Variants in FAM171A1 observed in about 807,000 individuals in gnomAD.
FAM171A1 encodes protein FAM171A1.
A neutral mutation model predicts 74.9 loss-of-function variants in FAM171A1; 23 were observed. That is an observed-to-expected ratio of 0.31 (90% CI 0.22 to 0.44). The LOEUF (loss-of-function observed/expected upper bound fraction) is 0.44, where lower values mean the gene tolerates loss of function less well. FAM171A1 is among the 20% of genes least tolerant of loss of function. FAM171A1 has a pLI of 1.00. For missense variants in FAM171A1, 1,162 were observed against 1,159.2 expected, an observed-to-expected ratio of 1.00 and a Z score of -0.03; for synonymous variants, 527 against 505.7, an observed-to-expected ratio of 1.04 and a Z score of -0.57.
At chr10:15,287,319 C>T (rs1419926514) in intron 1 of FAM171A1, among the ~76,000 whole-genome samples, 2 of 151,530 alleles carry the variant, frequency 1.3e-5, no homozygotes, top group Non-Finnish European at 2.9e-5. Flanking sequence ...GTCTCCATCT[C>T]CTGACCACGT....
rs1211654780 is a variant in FAM171A1, at chr10:15,359,473, G to A, written c.97+11483C>T. 3.9e-5 allele frequency among the ~76,000 whole-genome samples: 6 copies of A among 152,076 alleles called. No homozygotes were observed. The East Asian group carries it at 1.2e-3, about 29-fold the overall frequency. On this transcript the variant is annotated intron_variant, in intron 1 of 7. Coordinates refer to ENST00000378116, the MANE Select transcript of FAM171A1 (RefSeq NM_001010924.2). ...TTTCCTCCTTCTCAACATCCTCAAG[G>A]GCAGAGAAATGGGCCTCCCGGTACC...
At chr10:15,281,122 C>T (rs770699214) in intron 2 of FAM171A1, among the ~76,000 whole-genome samples, 26 of 152,070 alleles carry the variant, frequency 1.7e-4, no homozygotes, top group Non-Finnish European at 3.1e-4. Flanking sequence ...GCACCTCTAC[C>T]CTCTCTCTCT....
chr10:15,318,127 C>G (rs775017195), intron 1 of FAM171A1, among the ~76,000 whole-genome samples: 2 of 152,168 alleles, frequency 1.3e-5, no homozygotes, highest in Non-Finnish European at 2.9e-5. Flanking sequence ...GGTATGCAAT[C>G]ACAAAATTCT....
rs529407116 is a variant in FAM171A1, at chr10:15,213,227, C to G, written c.2361G>C (p.Gln787His). The G allele has an allele frequency of 6.2e-7, 1 of 1,614,138 alleles. No individual in the cohort carries two copies. Among genetic ancestry groups the G allele is most frequent in the African/African-American group, 1.3e-5 (1 of 75,042 alleles). Residue 787 changes from glutamine to histidine, a missense_variant, in exon 8 of 8, where the codon CAG (glutamine) becomes CAC (histidine). By Grantham distance (24) the Gln-to-His change is conservative (BLOSUM62 0). Transcript: ENST00000378116. The surrounding 1 kb of genome is among the most constrained non-coding windows in gnomAD (Gnocchi z 6.8). Reference sequence around the variant, plus strand: ...GTTCCACGTCATCCAGGTACACGAGCTGCGTGTAGGCCGTGCTGTCTGGGG... The same window carrying G: ...GTTCCACGTCATCCAGGTACACGAGGTGCGTGTAGGCCGTGCTGTCTGGGG... The part of the protein sequence containing the change: ...PRAPDSTAYT[Q>H]LVYLDDVEQS...
chr10:15,351,257 C>T (rs552562870), intron 1 of FAM171A1, among the ~76,000 whole-genome samples: 4 of 152,230 alleles, frequency 2.6e-5, no homozygotes, highest in African/African-American at 9.6e-5. Context: ...CTGGGTGGCC[C>T]CGGACTGAAG....
chr10:15,254,888 A>T lies in FAM171A1; in HGVS notation c.419-9T>A. The T allele has an allele frequency of 1.9e-6, 3 of 1,610,492 alleles. No individual in the cohort carries two copies. The highest frequency in any genetic ancestry group is 2.5e-6 in the Non-Finnish European group (3 of 1,177,504). On this transcript the variant is annotated splice_polypyrimidine_tract_variant and intron_variant, in intron 3 of 7. Transcript: ENST00000378116. The stretch of plus-strand genomic sequence containing the variant: ...AGGCTGTGGCCGGGCACCTGCAGAG[A>T]TTAACCTCCGAGTTATCTCCCCCAG...
intron 1 of FAM171A1, among the ~76,000 whole-genome samples, chr10:15,351,085 TTC>T (rs1835871524): frequency 6.6e-6 from 1 of 152,190 alleles, no homozygotes; most frequent in Admixed American, 6.5e-5. Context: ...GCTTCACTCG[TTC>T]TCTTTTTCTT....
intron 5 of FAM171A1, among the ~76,000 whole-genome samples, chr10:15,244,363 C>A (rs940683152): frequency 6.6e-6 from 1 of 151,836 alleles, no homozygotes; most frequent in Non-Finnish European, 1.5e-5. Flanking sequence ...TCAAAAAAGC[C>A]CCCCAAATTA....
chr10:15,336,329 A>T (rs902499942), intron 1 of FAM171A1, among the ~76,000 whole-genome samples: 53 of 120,190 alleles, frequency 4.4e-4, no homozygotes, highest in African/African-American at 6.2e-4. Context: ...TTTTTTTTTT[A>T]AAAGGACCAA....
chr10:15,280,666 G>C (rs577892468), intron 2 of FAM171A1, among the ~76,000 whole-genome samples: 4 of 152,216 alleles, frequency 2.6e-5, no homozygotes, highest in Non-Finnish European at 5.9e-5. Context: ...TCGTAAGAAT[G>C]CTCATGCACA....
intron 1 of FAM171A1, among the ~76,000 whole-genome samples, chr10:15,304,797 C>T (rs773141967): frequency 7.9e-5 from 12 of 152,186 alleles, no homozygotes; most frequent in South Asian, 2.1e-4. Context: ...AGTGCACTGG[C>T]GCAATCTTGG....
intron 1 of FAM171A1, among the ~76,000 whole-genome samples, chr10:15,361,150 T>A (rs1387039833): frequency 6.6e-6 from 1 of 152,182 alleles, no homozygotes; most frequent in Non-Finnish European, 1.5e-5. Context: ...ACTAAGATAA[T>A]AGCAAATGTT....
intron 7 of FAM171A1, among the ~76,000 whole-genome samples, chr10:15,215,372 A>C (rs962280246): frequency 6.7e-6 from 1 of 148,958 alleles, no homozygotes; most frequent in Non-Finnish European, 1.5e-5. Context: ...AATAAGAATA[A>C]TTTTTTTTTT....
rs1162988671 is a variant in FAM171A1, at chr10:15,322,837, T to TA, written c.98-38733dup. On this transcript the variant is annotated intron_variant, in intron 1 of 7. Coordinates refer to ENST00000378116, the MANE Select transcript of FAM171A1 (RefSeq NM_001010924.2). Reference sequence around the variant, plus strand: ...AAATGACCAAGGTCTTCATTTGCAATAAAAAGTACACCTTTTTTTTGGCTG... The same window carrying TA: ...AAATGACCAAGGTCTTCATTTGCAATAAAAAAGTACACCTTTTTTTTGGCTG... Among the ~76,000 whole-genome samples, 44 of 152,332 alleles carry TA rather than the reference T, an allele frequency of 2.9e-4. 1 individual carries two copies. The East Asian group carries it at 7.7e-3, about 27-fold the overall frequency.
rs1013371735 is a variant in FAM171A1 at position 15,297,063 on chromosome 10, C to CT, written c.98-12959dup. On this transcript the variant is annotated intron_variant, in intron 1 of 7. Coordinates refer to ENST00000378116, the MANE Select transcript of FAM171A1 (RefSeq NM_001010924.2). ...AAGGGCGTGTATTAGAGCTTTTTTT[C>CT]TTTTTTTTTTTTGAGATGGAGTCTT... Among the ~76,000 whole-genome samples the CT allele has an allele frequency of 9.3e-3, 1,350 of 144,538 alleles. 12 individuals are homozygous for CT. The highest frequency in any genetic ancestry group is 0.022 in the African/African-American group (876 of 39,682). The allele number at this position is 144,538 out of a possible 152,430, so 94.8% of individuals were successfully genotyped here. A position where few individuals can be genotyped will look rare whatever the true frequency, so the allele number is the denominator to read the frequency against.
intron 1 of FAM171A1, among the ~76,000 whole-genome samples, chr10:15,311,086 T>C (rs1363640957): frequency 6.6e-6 from 1 of 152,218 alleles, no homozygotes; most frequent in African/African-American, 2.4e-5. Context: ...CTGCTCTTCA[T>C]GCAGTTACAG....
intron 3 of FAM171A1, among the ~76,000 whole-genome samples, chr10:15,268,567 C>T (rs991734095): frequency 6.6e-6 from 1 of 151,888 alleles, no homozygotes; most frequent in Admixed American, 6.6e-5. Flanking sequence ...CCTGACAGGC[C>T]TCCAAGCAGA....
At chr10:15,329,609 G>A (rs1384127881) in intron 1 of FAM171A1, among the ~76,000 whole-genome samples, 1 of 134,876 alleles carries the variant, frequency 7.4e-6, no homozygotes, top group African/African-American at 2.8e-5. Context: ...CTGGACAGCA[G>A]GGCAATACCA....
intron 1 of FAM171A1, among the ~76,000 whole-genome samples, chr10:15,309,042 T>G (rs78913437): frequency 0.02 from 3,012 of 152,318 alleles, 105 homozygotes; most frequent in African/African-American, 0.068. Context: ...AATCTTAGCA[T>G]GAACAACTAT....
Sources: allele counts gnomAD v4.1 joint callset (sites outside exome capture counted in the v4.1 genomes callset), GRCh38; gene constraint gnomAD v4.1.1; non-coding constraint Gnocchi (gnomAD v3.1); transcripts MANE v1.5; gene names NCBI Gene and HGNC (gene_info 2026-07-23, HGNC 2026-07-21).